Variants in MASP1 observed in about 807,000 individuals in gnomAD.
MASP1 encodes mannan-binding lectin serine protease 1.
In MASP1, 59 loss-of-function variants were observed where a neutral mutation model predicts 77.1. The observed-to-expected ratio is 0.77, with a 90% CI of 0.62 to 0.95. The LOEUF (loss-of-function observed/expected upper bound fraction) is 0.95, where lower values mean the gene tolerates loss of function less well. Among genes scored for constraint, MASP1 ranks in the 40% least tolerant of loss-of-function variants. The pLI, the probability that MASP1 is intolerant of heterozygous loss-of-function variation, is 0.00. For missense variants in MASP1, 885 were observed against 912.9 expected (o/e 0.97, Z 0.39); for synonymous variants, 362 against 354.5 (o/e 1.02, Z -0.24).
chr3:187,254,744 G>T (rs373247364), intron 5 of MASP1, among the ~76,000 whole-genome samples: 5 of 152,116 alleles, frequency 3.3e-5, no homozygotes, highest in African/African-American at 9.7e-5. Flanking sequence ...TGGGGGCAGT[G>T]GGGGAGAGAA....
intron 13 of MASP1, among the ~76,000 whole-genome samples, chr3:187,224,502 A>G (rs1320071358): frequency 4.0e-5 from 6 of 151,480 alleles, no homozygotes; most frequent in South Asian, 4.2e-4. Flanking sequence ...GCCCGCCACT[A>G]TGCCCGGCTA....
In MASP1 at chr3:187,253,193, G is replaced by A. The variant is rs1351830378; in HGVS notation, c.867C>T (p.Gly289=). The A allele has an allele frequency of 6.2e-7, 1 of 1,614,126 alleles. No individual in the cohort carries two copies. The highest frequency in any genetic ancestry group is 2.2e-5 in the East Asian group (1 of 44,868). Residue 289 remains glycine (G), a synonymous_variant, in exon 6 of 11, where the codon GGC becomes GGT. Transcript: ENST00000296280. ...FHSDNSGENR[G]WRLSYRAAGN... is the part of the protein sequence containing the mutation. ...CTGCAGCCCTGTATGAGAGCCTCCA[G>A]CCCCGGTTCTCTCCCGAGTTGTCAC... is the stretch of plus-strand genomic sequence containing the variant.
chr3:187,234,458 C>G lies in MASP1; in HGVS notation c.*1226G>C. On this transcript the variant is annotated 3_prime_UTR_variant, in exon 11 of 11. Transcript: ENST00000296280. ...ATGCCAGCCTGTTGCTGACGGAGAA[C>G]CAGAGACTCAGACAAAGAAAATGAT... 7.8e-7 allele frequency: 1 copy of G among 1,285,512 alleles called. No individual in the cohort carries two copies. The highest frequency in any genetic ancestry group is 1.0e-6 in the Non-Finnish European group (1 of 987,138). The allele number at this position is 1,285,512 out of a possible 1,614,324, so 79.6% of individuals were successfully genotyped here.
intron 2 of MASP1, among the ~76,000 whole-genome samples, chr3:187,265,551 G>A (rs1377109726): frequency 3.9e-5 from 6 of 152,170 alleles, no homozygotes; most frequent in African/African-American, 1.4e-4. Flanking sequence ...GAGAAGGCCA[G>A]TAGCCTGGGG....
intron 6 of MASP1, 43 bp from the exon 7 acceptor site, chr3:187,251,795 A>G (rs754561030): frequency 6.7e-7 from 1 of 1,484,164 alleles, no homozygotes; most frequent in South Asian, 1.1e-5. Flanking sequence ...AGAAAAGAGA[A>G]TTCTGACCTT....
chr3:187,234,874 G>A lies in MASP1; in HGVS notation c.*810C>T, dbSNP rs1351608497. On this transcript the variant is annotated 3_prime_UTR_variant, in exon 11 of 11. Transcript: ENST00000296280. ...GATTGCTTTGTGCTTGTCTGGAGCA[G>A]CAGGTGTGGACGCCCATGGTGTCAG... The A allele has an allele frequency of 5.4e-6, 7 of 1,287,112 alleles. No individual in the cohort carries two copies. In the Admixed American group the frequency reaches 1.4e-4, roughly 25 times the overall value. The allele number at this position is 1,287,112 out of a possible 1,614,324, so 79.7% of individuals were successfully genotyped here. A position where few individuals can be genotyped will look rare whatever the true frequency, so the allele number is the denominator to read the frequency against.
In MASP1 at chr3:187,253,179, T is replaced by C; in HGVS notation, c.881A>G (p.Tyr294Cys). 6.2e-7 allele frequency: 1 copy of C among 1,613,968 alleles called. No homozygotes were observed. Among genetic ancestry groups the C allele is most frequent in the Non-Finnish European group, 8.5e-7 (1 of 1,179,988 alleles). ...SGENRGWRLS[Y>C]RAAGNECPEL... is the part of the protein sequence containing the mutation. The stretch of plus-strand genomic sequence containing the variant: ...AGGGAAGAGGTTACCTGCAGCCCTG[T>C]ATGAGAGCCTCCAGCCCCGGTTCTC... The change falls in exon 6 of 11, where the codon TAC becomes TGC. Residue 294 changes from tyrosine (Y) to cysteine (C), a missense_variant. Coordinates refer to ENST00000296280, the MANE Select transcript of MASP1 (RefSeq NM_139125.4).
intron 2 of MASP1, among the ~76,000 whole-genome samples, chr3:187,283,059 G>A (rs1717564003): frequency 6.6e-6 from 1 of 152,164 alleles, no homozygotes; most frequent in Admixed American, 6.5e-5. Flanking sequence ...CATTTGGGGA[G>A]TTAGTGACAG....
chr3:187,273,833 C>A (rs902080288), intron 2 of MASP1, among the ~76,000 whole-genome samples: 2 of 152,188 alleles, frequency 1.3e-5, no homozygotes, highest in Non-Finnish European at 2.9e-5. Flanking sequence ...GCTGGCAGAT[C>A]TAAGCTCAAG....
intron 13 of MASP1, chr3:187,223,264 G>T: frequency 1.7e-6 from 2 of 1,201,510 alleles, no homozygotes; most frequent in Non-Finnish European, 2.5e-6. Context: ...GCAGCTTGCA[G>T]CTCCATCATC....
rs552074791 is a variant in MASP1, at chr3:187,278,811, C to T, written c.237+7014G>A. Among the ~76,000 whole-genome samples the T allele has an allele frequency of 9.9e-5, 15 of 152,266 alleles. No homozygotes were observed. The South Asian group carries it at 1.7e-3, about 17-fold the overall frequency. The stretch of plus-strand genomic sequence containing the variant: ...CTGTGGGCTTTCTTGAAGTATACTA[C>T]GCTCCACATAGTCATATCCAATCTA... On this transcript the variant is annotated intron_variant, in intron 2 of 10. Coordinates refer to ENST00000296280, the MANE Select transcript of MASP1 (RefSeq NM_139125.4).
intron 13 of MASP1, among the ~76,000 whole-genome samples, chr3:187,224,604 C>T (rs149234554): frequency 6.6e-6 from 1 of 152,096 alleles, no homozygotes; most frequent in African/African-American, 2.4e-5. Context: ...CCTCGGCCTC[C>T]CAAAGTGCTG....
At chr3:187,226,800 G>A (rs1471555740) in intron 11 of MASP1, among the ~76,000 whole-genome samples, 1 of 152,194 alleles carries the variant, frequency 6.6e-6, no homozygotes, top group Non-Finnish European at 1.5e-5. Flanking sequence ...CCATGGCATT[G>A]GTGAGAGCCA....
chr3:187,268,452 A>C (rs1318824852), intron 2 of MASP1, among the ~76,000 whole-genome samples: 2 of 151,810 alleles, frequency 1.3e-5, no homozygotes, highest in East Asian at 3.9e-4. Context: ...ATGCCACTAC[A>C]CTCCAGCCTG....
At chr3:187,223,639 C>T (rs1330536966) in intron 13 of MASP1, among the ~76,000 whole-genome samples, 9 of 152,192 alleles carry the variant, frequency 5.9e-5, no homozygotes, top group Non-Finnish European at 2.9e-5. Context: ...TTCTAAGCCT[C>T]TGTTTTCCTA....
At chr3:187,250,350 G>C in intron 7 of MASP1, 21 bp from the exon 8 acceptor site, 6 of 1,589,672 alleles carry the variant, frequency 3.8e-6, no homozygotes, top group Non-Finnish European at 5.2e-6. Context: ...ACAGGAAGAA[G>C]GGAGTGGGAA....
At chr3:187,266,544 C>A (rs536536116) in intron 2 of MASP1, among the ~76,000 whole-genome samples, 1 of 151,866 alleles carries the variant, frequency 6.6e-6, no homozygotes, top group South Asian at 2.1e-4. Context: ...GAGACTGAAA[C>A]GTGAATAGAA....
At chr3:187,223,177 T>A in exon 14 of MASP1, 1 of 1,614,152 alleles carries the variant, frequency 6.2e-7, no homozygotes, top group Non-Finnish European at 8.5e-7. Context: ...CCCCAGCCGC[T>A]GACGATGACC....
At chr3:187,257,637 G>A (rs1201450075) in intron 4 of MASP1, among the ~76,000 whole-genome samples, 1 of 152,076 alleles carries the variant, frequency 6.6e-6, no homozygotes, top group African/African-American at 2.4e-5. Flanking sequence ...TTCCTGCCTT[G>A]GCCTCCCAAA....
Sources: allele counts gnomAD v4.1 joint callset (sites outside exome capture counted in the v4.1 genomes callset), GRCh38; gene constraint gnomAD v4.1.1; transcripts MANE v1.5; gene names NCBI Gene and HGNC (gene_info 2026-07-23, HGNC 2026-07-21).